Variants in KCNN2 observed in about 807,000 individuals in gnomAD.
The protein encoded by KCNN2 is potassium calcium-activated channel subfamily N member 2.
In KCNN2, 24 loss-of-function variants were observed where a neutral mutation model predicts 55.5. The ratio of observed to expected loss-of-function variants is 0.43; its 90% CI spans 0.31 to 0.61. The LOEUF is 0.61. Among genes scored for constraint, KCNN2 ranks in the 20% least tolerant of loss-of-function variants. The pLI is 0.08. For missense variants in KCNN2, 754 were observed against 853.6 expected (o/e 0.88, Z 1.45); for synonymous variants, 431 against 336.1 (o/e 1.28, Z -3.09).
chr5:114,368,510 A>C (rs1400894237), intron 2 of KCNN2, among the ~76,000 whole-genome samples: 1 of 152,134 alleles, frequency 6.6e-6, no homozygotes, highest in East Asian at 1.9e-4. Context: ...GTCTACTAGT[A>C]GGCTCTGTGG....
chr5:114,420,951 G>GA (rs1759455511), intron 3 of KCNN2, among the ~76,000 whole-genome samples: 1 of 151,912 alleles, frequency 6.6e-6, no homozygotes, highest in African/African-American at 2.4e-5. Context: ...CATTATTTTT[G>GA]ATGGCCATAT....
At chr5:114,410,878 C>G (rs1759109498) in intron 3 of KCNN2, among the ~76,000 whole-genome samples, 1 of 152,100 alleles carries the variant, frequency 6.6e-6, no homozygotes, top group African/African-American at 2.4e-5. Context: ...TATGTATTAA[C>G]TAGGTATCAT....
chr5:114,464,741 G>A (rs368067749), intron 4 of KCNN2, among the ~76,000 whole-genome samples: 12 of 152,006 alleles, frequency 7.9e-5, no homozygotes, highest in Admixed American at 5.2e-4. Flanking sequence ...AGAAAATATA[G>A]TTTGGGGGCA....
intron 1 of KCNN2, among the ~76,000 whole-genome samples, chr5:114,153,175 T>G (rs565314476): frequency 1.0e-3 from 156 of 152,252 alleles, no homozygotes; most frequent in Non-Finnish European, 1.9e-3. Flanking sequence ...GATATATGAG[T>G]CAGAAGTTCA....
chr5:114,153,034 T>C (rs1457218019), intron 1 of KCNN2, among the ~76,000 whole-genome samples: 1 of 152,106 alleles, frequency 6.6e-6, no homozygotes, highest in Non-Finnish European at 1.5e-5. Context: ...ATTGACGAGA[T>C]AAGATTTGGG....
intron 2 of KCNN2, among the ~76,000 whole-genome samples, chr5:114,384,015 T>C (rs572181426): frequency 1.3e-5 from 2 of 152,366 alleles, no homozygotes; most frequent in South Asian, 2.1e-4. Context: ...GTAGTTCTTA[T>C]TCAGCCAGTG....
At chr5:114,340,529 C>A (rs746452813) in intron 2 of KCNN2, among the ~76,000 whole-genome samples, 2 of 152,094 alleles carry the variant, frequency 1.3e-5, no homozygotes, top group East Asian at 3.9e-4. Context: ...ATATAATCTA[C>A]ATTTCTAGAA....
intron 1 of KCNN2, among the ~76,000 whole-genome samples, chr5:114,161,583 A>G (rs2112531512): frequency 6.6e-6 from 1 of 152,330 alleles, no homozygotes; most frequent in East Asian, 1.9e-4. Flanking sequence ...TCTGGATAAT[A>G]TCCTGCAGAG....
intron 2 of KCNN2, among the ~76,000 whole-genome samples, chr5:114,312,227 C>G (rs1442872028): frequency 6.6e-6 from 1 of 151,704 alleles, no homozygotes; most frequent in Non-Finnish European, 1.5e-5. Flanking sequence ...GGAACAATCT[C>G]TTTTCTTCCT....
chr5:114,248,198 G>A lies in KCNN2; in HGVS notation c.-185+26633G>A, dbSNP rs536919529. Among the ~76,000 whole-genome samples, 149 of 152,238 alleles carry A rather than the reference G, an allele frequency of 9.8e-4. 2 individuals carry two copies. The highest frequency in any genetic ancestry group is 3.4e-3 in the African/African-American group (142 of 41,544). On this transcript the variant is annotated intron_variant, in intron 2 of 10. Coordinates refer to the KCNN2 transcript ENST00000512097. ...CAGGAAAGAGGGAAGTGTATATTAG[G>A]GGGTTAGGATGATTCAAATACGCAT...
intron 1 of KCNN2, among the ~76,000 whole-genome samples, chr5:114,165,298 C>A (rs1009631672): frequency 6.6e-6 from 1 of 152,184 alleles, no homozygotes; most frequent in Middle Eastern, 3.2e-3. Flanking sequence ...TCTACCTCTT[C>A]AGCCTACTTA....
intron 1 of KCNN2, among the ~76,000 whole-genome samples, chr5:114,119,563 T>C (rs1751785474): frequency 6.6e-6 from 1 of 152,150 alleles, no homozygotes; most frequent in Non-Finnish European, 1.5e-5. Flanking sequence ...GCCCCTTCTA[T>C]TTTCTGTGAA....
chr5:114,248,450 T>C (rs192756473), intron 2 of KCNN2, among the ~76,000 whole-genome samples: 20 of 152,284 alleles, frequency 1.3e-4, no homozygotes, highest in Middle Eastern at 3.4e-3. Context: ...GTAAGATATA[T>C]ATGGATCAAA....
At chr5:114,491,874 G>A (rs938407511) in intron 6 of KCNN2, among the ~76,000 whole-genome samples, 1 of 152,020 alleles carries the variant, frequency 6.6e-6, no homozygotes, top group African/African-American at 2.4e-5. Context: ...TAGGGTGGGG[G>A]CAGTTGCCTG....
chr5:114,113,505 T>G (rs1254254722), intron 1 of KCNN2, among the ~76,000 whole-genome samples: 1 of 151,984 alleles, frequency 6.6e-6, no homozygotes, highest in Non-Finnish European at 1.5e-5. Context: ...AAAGACAGAT[T>G]AACAGGAGAA....
At chr5:114,279,158 T>C (rs1755565216) in intron 2 of KCNN2, among the ~76,000 whole-genome samples, 1 of 152,182 alleles carries the variant, frequency 6.6e-6, no homozygotes, top group Non-Finnish European at 1.5e-5. Flanking sequence ...TGCTAATACC[T>C]TAGAGTCATC....
chr5:114,232,679 C>T (rs1754386005), intron 2 of KCNN2, among the ~76,000 whole-genome samples: 1 of 150,848 alleles, frequency 6.6e-6, no homozygotes, highest in South Asian at 2.1e-4. Flanking sequence ...GAATTGTCTT[C>T]TCTAGCTTAA....
At chr5:114,263,511 C>G (rs535787984) in intron 2 of KCNN2, among the ~76,000 whole-genome samples, 157 of 152,148 alleles carry the variant, frequency 1.0e-3, no homozygotes, top group African/African-American at 3.5e-3. Flanking sequence ...CTCCTTGCCA[C>G]CCTATGGATC....
intron 1 of KCNN2, among the ~76,000 whole-genome samples, chr5:114,187,805 C>A (rs1182888272): frequency 6.6e-6 from 1 of 150,762 alleles, no homozygotes; most frequent in African/African-American, 2.4e-5. Flanking sequence ...CATGCCCGGC[C>A]CCCTTTTTTT....
Sources: allele counts gnomAD v4.1 joint callset (sites outside exome capture counted in the v4.1 genomes callset), GRCh38; gene constraint gnomAD v4.1.1; transcripts MANE v1.5; gene names NCBI Gene and HGNC (gene_info 2026-07-23, HGNC 2026-07-21).